JAK1: variants seen among roughly 807,000 people sequenced by gnomAD.
JAK1 encodes the protein tyrosine-protein kinase JAK1.
A neutral mutation model predicts 136.6 loss-of-function variants in JAK1; 16 were observed. The ratio of observed to expected loss-of-function variants is 0.12; its 90% CI spans 0.08 to 0.18. The LOEUF is 0.18. Ranked by LOEUF, JAK1 falls within the 10% of genes least tolerant of loss-of-function variation. The pLI, the probability that JAK1 is intolerant of heterozygous loss-of-function variation, is 1.00. For missense variants in JAK1, 859 were observed against 1,450.1 expected (o/e 0.59, Z 6.62); for synonymous variants, 492 against 519.5 (o/e 0.95, Z 0.72).
chr1:65,011,306 T>C (rs1321139674), intron 2 of JAK1, among the ~76,000 whole-genome samples: 1 of 151,824 alleles, frequency 6.6e-6, no homozygotes, highest in East Asian at 2.0e-4. Context: ...TGAGACTTCA[T>C]CTCTACAAAA....
At chr1:64,931,982 G>A (rs137944600) in intron 1 of JAK1, among the ~76,000 whole-genome samples, 31 of 151,960 alleles carry the variant, frequency 2.0e-4, no homozygotes, top group Admixed American at 1.9e-3. Context: ...AATCAACAAA[G>A]TGCCCACAAT....
intron 3 of JAK1, among the ~76,000 whole-genome samples, chr1:64,881,008 C>T (rs772026751): frequency 6.6e-6 from 1 of 151,924 alleles, no homozygotes; most frequent in Admixed American, 6.6e-5. Context: ...GTGGCTCACA[C>T]CTGTAATCCC....
At chr1:65,027,436 G>A (rs10159442) in intron 2 of JAK1, among the ~76,000 whole-genome samples, 9,510 of 151,998 alleles carry the variant, frequency 0.063, 419 homozygotes, top group Admixed American at 0.15. Flanking sequence ...GACTGATGCC[G>A]GCAGAAGAAG....
intron 2 of JAK1, chr1:64,990,594 G>A (rs1250072033): frequency 6.6e-6 from 1 of 151,922 alleles, no homozygotes; most frequent in Non-Finnish European, 1.5e-5. Context: ...ATCACAAGAA[G>A]GTACACAAAG....
At chr1:64,982,506 G>A (rs1248003410) in intron 2 of JAK1, among the ~76,000 whole-genome samples, 4 of 152,172 alleles carry the variant, frequency 2.6e-5, no homozygotes, top group African/African-American at 9.7e-5. Context: ...AGCCCAGGTA[G>A]GAGGTAAAAG....
chr1:64,912,148 C>T (rs1557685104), intron 1 of JAK1, among the ~76,000 whole-genome samples: 1 of 152,148 alleles, frequency 6.6e-6, no homozygotes, highest in African/African-American at 2.4e-5. Flanking sequence ...GAATTCCAAT[C>T]CTTACCCTAC....
chr1:65,049,197 A>G (rs994424996), intron 1 of JAK1, among the ~76,000 whole-genome samples: 2 of 152,262 alleles, frequency 1.3e-5, no homozygotes, highest in East Asian at 3.9e-4. Context: ...TGAGGCGGGA[A>G]TATCTCCTGG....
chr1:65,059,872 T>A (rs529878070), intron 1 of JAK1, among the ~76,000 whole-genome samples: 1 of 152,270 alleles, frequency 6.6e-6, no homozygotes, highest in East Asian at 1.9e-4. Flanking sequence ...TTCAAATAAG[T>A]CAGGTAGATG....
At chr1:64,972,647 G>C (rs1646461948) in intron 2 of JAK1, 1 of 152,212 alleles carries the variant, frequency 6.6e-6, no homozygotes, top group Non-Finnish European at 1.5e-5. Context: ...AAATTAGCCA[G>C]GTGTGGTGGC....
At chr1:65,003,346 T>A (rs1646778289) in intron 2 of JAK1, 1 of 152,162 alleles carries the variant, frequency 6.6e-6, no homozygotes, top group Non-Finnish European at 1.5e-5. Context: ...GTGACTGCAA[T>A]GAAACGCGTT....
chr1:64,855,826 T>A, intron 10 of JAK1, 128 bp from the exon 11 acceptor site: 1 of 689,552 alleles, frequency 1.5e-6, no homozygotes, highest in Non-Finnish European at 2.3e-6. Context: ...TCTGTAAATC[T>A]AAAATTATTC....
intron 3 of JAK1, among the ~76,000 whole-genome samples, chr1:64,881,527 T>G (rs1293956683): frequency 6.6e-6 from 1 of 152,148 alleles, no homozygotes; most frequent in Non-Finnish European, 1.5e-5. Context: ...AATACTGCCC[T>G]CAAACATCAC....
chr1:65,051,612 C>T (rs1267490947), intron 1 of JAK1, among the ~76,000 whole-genome samples: 3 of 151,886 alleles, frequency 2.0e-5, no homozygotes, highest in Admixed American at 1.3e-4. Flanking sequence ...ATTCCTGGTT[C>T]GAAGATACTC....
intron 1 of JAK1, among the ~76,000 whole-genome samples, chr1:65,048,659 A>G (rs906267661): frequency 1.3e-5 from 2 of 152,238 alleles, no homozygotes; most frequent in African/African-American, 4.8e-5. Flanking sequence ...CTGAGAGTTT[A>G]GCCAAAAAAC....
intron 14 of JAK1, 66 bp downstream of exon 14, chr1:64,846,583 A>G (rs1369083474): frequency 1.7e-6 from 2 of 1,192,058 alleles, no homozygotes; most frequent in Admixed American, 3.7e-5. Context: ...AAGAGCCTCC[A>G]CCATCTCCAC....
upstream of JAK1, among the ~76,000 whole-genome samples, chr1:64,966,696 C>T (rs1478706654): frequency 5.3e-5 from 8 of 150,634 alleles, no homozygotes; most frequent in Admixed American, 2.6e-4. Flanking sequence ...CTCCGGCCTA[C>T]CCGCCCCGCC....
Position 65,039,054 on chromosome 1 carries a change from C to T in JAK1, c.-78+5426G>A, listed in dbSNP as rs538038540. Among the ~76,000 whole-genome samples, 10 of 152,288 alleles carry T rather than the reference C, an allele frequency of 6.6e-5. No individual in the cohort carries two copies. In the East Asian group the frequency reaches 1.9e-3, roughly 29 times the overall value. ...TCAAGCAATCCTCCTGCCTCAGCCTCCCAAAATGCTGGGATTACAGGCTTG... is the reference window on the plus strand; with the variant it reads ...TCAAGCAATCCTCCTGCCTCAGCCTTCCAAAATGCTGGGATTACAGGCTTG... On this transcript the variant is annotated intron_variant, in intron 2 of 25. Transcript: ENST00000671954.
chr1:65,055,790 T>C (rs1647507278), intron 1 of JAK1, among the ~76,000 whole-genome samples: 1 of 152,170 alleles, frequency 6.6e-6, no homozygotes, highest in Non-Finnish European at 1.5e-5. Flanking sequence ...AGCCTCAGCC[T>C]TCTTGTTTAG....
chr1:64,990,739 T>A (rs961591889), intron 2 of JAK1: 2 of 151,792 alleles, frequency 1.3e-5, no homozygotes, highest in Non-Finnish European at 1.5e-5. Flanking sequence ...CTGGGCAACA[T>A]GGTAAAACCC....
Sources: gnomAD v4.1 joint callset for allele counts (sites outside exome capture counted in the v4.1 genomes callset) on GRCh38, gnomAD v4.1.1 for gene constraint, MANE v1.5 for transcripts, NCBI Gene and HGNC (gene_info 2026-07-23, HGNC 2026-07-21) for gene names.